The following KCNQ5 variants were observed in gnomAD, a reference collection of about 807,000 sequenced individuals.
KCNQ5 encodes potassium voltage-gated channel subfamily Q member 5, also known as potassium voltage-gated channel subfamily KQT member 5.
KCNQ5 carries 30 observed loss-of-function variants against 98.2 expected under a neutral mutation model. The observed-to-expected ratio is 0.31, with a 90% confidence interval of 0.23 to 0.41. KCNQ5 has a LOEUF of 0.41. Ranked by LOEUF, KCNQ5 falls within the 10% of genes least tolerant of loss-of-function variation. KCNQ5 has a pLI of 1.00. For missense variants in KCNQ5, 835 were observed against 1,182.5 expected (o/e 0.71, Z 4.31); for synonymous variants, 458 against 449.4 (o/e 1.02, Z -0.24).
intron 12 of KCNQ5, 46 bp downstream of exon 12, chr6:73,190,750 C>G: frequency 7.3e-7 from 1 of 1,373,754 alleles, no homozygotes; most frequent in Non-Finnish European, 9.7e-7. Flanking sequence ...GGGCATAGAA[C>G]CTATCTAGGA....
rs372122017 is a variant in KCNQ5 at position 72,652,287 on chromosome 6, CT to C, written c.398+29706del. On this transcript the variant is annotated intron_variant, in intron 1 of 13. Coordinates refer to ENST00000370398, the MANE Select transcript of KCNQ5 (RefSeq NM_019842.4). ...GAGAAAGAGGCTTTCTAGCCTGTGT[CT>C]TTTTTAGTTAGATGTTTCAGAAGAT... Among the ~76,000 whole-genome samples the C allele has an allele frequency of 3.3e-5, 5 of 150,162 alleles. No individual in the cohort carries two copies. The East Asian group carries it at 9.8e-4, about 29-fold the overall frequency.
rs757403054 is a variant in KCNQ5 at position 73,077,398 on chromosome 6, CAG to C, written c.695_696del (p.Arg232LysfsTer61). On this transcript the variant is annotated frameshift_variant, in exon 4 of 14. Coordinates refer to ENST00000370398, the MANE Select transcript of KCNQ5 (RefSeq NM_019842.4). LOFTEE classifies it high-confidence loss of function. ...GTAATATTTTTGCCACGTCTGCACTCAGAAGTCTCCGTTTCCTACAGATCCTC... is the reference window on the plus strand; with the variant it reads ...GTAATATTTTTGCCACGTCTGCACTCAAGTCTCCGTTTCCTACAGATCCTC... The part of the protein sequence containing the change: ...QGNIFATSAL[R>X]SLRFLQILRM... 1 of 1,614,142 alleles carries C rather than the reference CAG, an allele frequency of 6.2e-7. No individual in the cohort carries two copies. The highest frequency in any genetic ancestry group is 8.5e-7 in the Non-Finnish European group (1 of 1,180,014).
At chr6:72,850,101 TTC>T (rs1348957830) in intron 1 of KCNQ5, among the ~76,000 whole-genome samples, 1 of 152,168 alleles carries the variant, frequency 6.6e-6, no homozygotes, top group Admixed American at 6.6e-5. Flanking sequence ...TATTAGGGTC[TTC>T]TTTTACCCAA....
intron 1 of KCNQ5, among the ~76,000 whole-genome samples, chr6:72,935,923 C>A (rs1389626097): frequency 6.6e-6 from 1 of 152,204 alleles, no homozygotes; most frequent in East Asian, 1.9e-4. Flanking sequence ...TCTTTTCTTG[C>A]ATTCTAAGAC....
At chr6:73,040,348 T>C (rs1366758633) in intron 2 of KCNQ5, among the ~76,000 whole-genome samples, 1 of 152,152 alleles carries the variant, frequency 6.6e-6, no homozygotes, top group East Asian at 1.9e-4. Flanking sequence ...GGGCAGGGAT[T>C]AAAAAGTGGA....
intron 12 of KCNQ5, among the ~76,000 whole-genome samples, chr6:73,191,425 A>G (rs1475100282): frequency 6.6e-6 from 1 of 152,188 alleles, no homozygotes; most frequent in Non-Finnish European, 1.5e-5. Flanking sequence ...CCACATGTTA[A>G]TTCCAACCAC....
chr6:73,139,267 C>A (rs1044406038), intron 10 of KCNQ5, among the ~76,000 whole-genome samples: 3 of 152,332 alleles, frequency 2.0e-5, no homozygotes, highest in Admixed American at 2.0e-4. Flanking sequence ...CAATCACCAG[C>A]ATGGAGGATG....
intron 1 of KCNQ5, among the ~76,000 whole-genome samples, chr6:72,653,894 T>G (rs895117313): frequency 1.3e-5 from 2 of 152,068 alleles, no homozygotes; most frequent in African/African-American, 4.8e-5. Flanking sequence ...CAATAAATAT[T>G]AGAAAAACTG....
At chr6:73,053,394 A>C (rs1772330630) in intron 3 of KCNQ5, among the ~76,000 whole-genome samples, 1 of 152,172 alleles carries the variant, frequency 6.6e-6, no homozygotes, top group African/African-American at 2.4e-5. Context: ...TTGACTAAAT[A>C]GACCTAATAG....
chr6:73,053,243 T>C (rs188023665), intron 3 of KCNQ5, among the ~76,000 whole-genome samples: 3 of 152,278 alleles, frequency 2.0e-5, no homozygotes, highest in East Asian at 3.9e-4. Context: ...CCCAAATTCA[T>C]AGAGCAAGTT....
chr6:72,986,924 CA>C (rs1768807310), intron 1 of KCNQ5: 2 of 858,808 alleles, frequency 2.3e-6, no homozygotes, highest in Non-Finnish European at 3.9e-6. Flanking sequence ...GGGTGAGGAA[CA>C]GGCAGCCTTG....
At chr6:72,900,071 C>T (rs963459492) in intron 1 of KCNQ5, among the ~76,000 whole-genome samples, 47 of 152,178 alleles carry the variant, frequency 3.1e-4, no homozygotes, top group African/African-American at 7.9e-4. Context: ...CCCCTGACCT[C>T]GTGATCCACC....
chr6:73,091,387 G>A (rs1368949678), intron 5 of KCNQ5, among the ~76,000 whole-genome samples: 1 of 151,780 alleles, frequency 6.6e-6, no homozygotes, highest in African/African-American at 2.4e-5. Context: ...TGAGCTGATG[G>A]GTGCAACAAA....
intron 3 of KCNQ5, among the ~76,000 whole-genome samples, chr6:73,064,396 TG>T (rs1772957901): frequency 6.6e-6 from 1 of 152,216 alleles, no homozygotes; most frequent in African/African-American, 2.4e-5. Context: ...TGCCATTGTT[TG>T]GCTGTTGATG....
chr6:72,669,920 T>G (rs1388623458), intron 1 of KCNQ5, among the ~76,000 whole-genome samples: 2 of 151,830 alleles, frequency 1.3e-5, no homozygotes, highest in Non-Finnish European at 2.9e-5. Flanking sequence ...CTTTTTTTTT[T>G]TTTTTTGGAA....
chr6:73,129,829 G>A, intron 9 of KCNQ5: 2 of 1,613,008 alleles, frequency 1.2e-6, no homozygotes, highest in Non-Finnish European at 1.7e-6. Context: ...TCTTCAGAAT[G>A]TACACCTCAC....
At chr6:72,725,418 T>G (rs1770214028) in intron 1 of KCNQ5, among the ~76,000 whole-genome samples, 1 of 152,158 alleles carries the variant, frequency 6.6e-6, no homozygotes, top group African/African-American at 2.4e-5. Flanking sequence ...GGACATTTCT[T>G]GAAGAAGTGT....
chr6:72,887,895 G>T (rs1423549359), intron 1 of KCNQ5, among the ~76,000 whole-genome samples: 1 of 152,012 alleles, frequency 6.6e-6, no homozygotes, highest in Non-Finnish European at 1.5e-5. Context: ...AGTGAAAATT[G>T]GCTAAATACT....
intron 2 of KCNQ5, among the ~76,000 whole-genome samples, chr6:73,039,616 A>G (rs1438562264): frequency 6.6e-6 from 1 of 152,032 alleles, no homozygotes; most frequent in East Asian, 1.9e-4. Flanking sequence ...ACATGTTTAG[A>G]GATTTGCTTG....
Sources: gnomAD v4.1 joint callset for allele counts (sites outside exome capture counted in the v4.1 genomes callset) on GRCh38, gnomAD v4.1.1 for gene constraint, MANE v1.5 for transcripts, NCBI Gene and HGNC (gene_info 2026-07-23, HGNC 2026-07-21) for gene names.